KAZN: variants seen among roughly 807,000 people sequenced by gnomAD.
KAZN encodes kazrin, periplakin interacting protein.
KAZN carries 40 observed loss-of-function variants against 87.4 expected under a neutral mutation model. The observed-to-expected ratio is 0.46, with a 90% CI of 0.36 to 0.60. The LOEUF (loss-of-function observed/expected upper bound fraction) is 0.60. Among genes scored for constraint, KAZN ranks in the 20% least tolerant of loss-of-function variants. The pLI, the probability that KAZN is intolerant of heterozygous loss-of-function variation, is 0.00. For missense variants in KAZN, 898 were observed against 1,073.9 expected (o/e 0.84, Z 2.29); for synonymous variants, 466 against 458.3 (o/e 1.02, Z -0.22).
chr1:14,421,129 A>G (rs1665398940), intron 2 of KAZN, among the ~76,000 whole-genome samples: 1 of 152,254 alleles, frequency 6.6e-6, no homozygotes, highest in African/African-American at 2.4e-5. Context: ...AGCTAGAGCT[A>G]CTACTACATC....
chr1:14,912,144 CAAAAAAAAAAAAAAAAAAAAA>C (rs34227761), intron 1 of KAZN, among the ~76,000 whole-genome samples: 1 of 81,730 alleles, frequency 1.2e-5, no homozygotes, highest in Non-Finnish European at 2.4e-5. Flanking sequence ...GACTCCACCT[CAAAAAAAAAAAAAAAAAAAAA>C]AAGGAAAGGA....
At chr1:14,528,461 C>T (rs930477134) in intron 2 of KAZN, among the ~76,000 whole-genome samples, 1 of 151,838 alleles carries the variant, frequency 6.6e-6, no homozygotes, top group African/African-American at 2.4e-5. Context: ...CTCCTCCTAC[C>T]TATCCACGTG....
At position 14,056,685 on chromosome 1, in the gene KAZN, A is replaced by G. The variant is rs75880513; in HGVS notation, c.92-123750A>G. On this transcript the variant is annotated intron_variant, in intron 1 of 16. Transcript: ENST00000636203. ...AGAGAGGTTCGGAGGTGGTTTGTTC[A>G]TGATCACACAGCAGGTGAGACAGAA... Among the ~76,000 whole-genome samples, 3 of 152,338 alleles carry G rather than the reference A, an allele frequency of 2.0e-5. No homozygotes were observed. In the East Asian group the frequency reaches 5.8e-4, roughly 29 times the overall value.
intron 1 of KAZN, among the ~76,000 whole-genome samples, chr1:14,831,596 T>C (rs1312750163): frequency 6.6e-6 from 1 of 152,212 alleles, no homozygotes; most frequent in Non-Finnish European, 1.5e-5. Flanking sequence ...TTCCATCTAA[T>C]ACACAGCACT....
At chr1:13,926,059 T>C (rs991420349) in intron 1 of KAZN, among the ~76,000 whole-genome samples, 1 of 152,100 alleles carries the variant, frequency 6.6e-6, no homozygotes, top group Non-Finnish European at 1.5e-5. Flanking sequence ...TAATGGTTTC[T>C]CTCTCCCTTT....
intron 1 of KAZN, among the ~76,000 whole-genome samples, chr1:14,084,539 G>A (rs1643792355): frequency 6.6e-6 from 1 of 152,022 alleles, no homozygotes; most frequent in Non-Finnish European, 1.5e-5. Flanking sequence ...TTCCTGCTCT[G>A]TTGCAGCCCA....
At chr1:14,383,244 A>C (rs2101056451) in intron 2 of KAZN, among the ~76,000 whole-genome samples, 1 of 149,420 alleles carries the variant, frequency 6.7e-6, no homozygotes, top group Non-Finnish European at 1.5e-5. Flanking sequence ...GGTTGTGAAA[A>C]TTTTCTCCCA....
intron 2 of KAZN, among the ~76,000 whole-genome samples, chr1:14,556,884 C>A (rs1673915508): frequency 6.6e-6 from 1 of 152,192 alleles, no homozygotes; most frequent in Non-Finnish European, 1.5e-5. Flanking sequence ...AGGACCCTTG[C>A]ATGGCTGATC....
At chr1:14,114,485 G>T (rs1180907637) in intron 1 of KAZN, among the ~76,000 whole-genome samples, 4 of 152,012 alleles carry the variant, frequency 2.6e-5, no homozygotes, top group African/African-American at 9.7e-5. Flanking sequence ...CAGGCATCCA[G>T]ATTGTGTCCT....
chr1:14,047,226 C>G (rs1024360729), intron 1 of KAZN, among the ~76,000 whole-genome samples: 2 of 152,168 alleles, frequency 1.3e-5, no homozygotes, highest in South Asian at 4.1e-4. Flanking sequence ...GTCCACACCC[C>G]CTCTCGGTTC....
chr1:14,411,213 A>C (rs1664279725), intron 2 of KAZN, among the ~76,000 whole-genome samples: 1 of 152,242 alleles, frequency 6.6e-6, no homozygotes, highest in Admixed American at 6.5e-5. Context: ...CCCAGAAGAC[A>C]ATGGATAATA....
At chr1:14,082,723 G>T (rs1643726508) in intron 1 of KAZN, among the ~76,000 whole-genome samples, 1 of 152,040 alleles carries the variant, frequency 6.6e-6, no homozygotes, top group Admixed American at 6.6e-5. Context: ...TCTTTTTCTT[G>T]TGCTTTCCTA....
chr1:15,072,962 AAG>A (rs1639579147), intron 8 of KAZN, among the ~76,000 whole-genome samples: 1 of 152,122 alleles, frequency 6.6e-6, no homozygotes, highest in Admixed American at 6.5e-5. Context: ...CCAGAAGAGG[AAG>A]AGACCGGCAA....
intron 1 of KAZN, among the ~76,000 whole-genome samples, chr1:14,006,504 C>A (rs994991291): frequency 2.6e-5 from 4 of 152,160 alleles, no homozygotes; most frequent in African/African-American, 9.7e-5. Flanking sequence ...GTCTTGAATT[C>A]ATTTTTAGCA....
intron 1 of KAZN, among the ~76,000 whole-genome samples, chr1:14,714,230 C>T (rs547420441): frequency 3.9e-5 from 6 of 152,278 alleles, no homozygotes; most frequent in African/African-American, 1.4e-4. Context: ...CTGACACTCC[C>T]CTCTGCCTGG....
chr1:14,098,043 T>TA (rs1429000316), intron 1 of KAZN, among the ~76,000 whole-genome samples: 3 of 152,056 alleles, frequency 2.0e-5, no homozygotes, highest in Non-Finnish European at 1.5e-5. Flanking sequence ...TTTTTTTTTT[T>TA]ATTATCTCCA....
chr1:13,981,989 G>A (rs762175621), intron 1 of KAZN, among the ~76,000 whole-genome samples: 1 of 152,210 alleles, frequency 6.6e-6, no homozygotes, highest in Non-Finnish European at 1.5e-5. Flanking sequence ...ACAGAGATGG[G>A]GGGCTGTCCT....
intron 2 of KAZN, among the ~76,000 whole-genome samples, chr1:14,472,908 C>T (rs1040895223): frequency 2.6e-5 from 4 of 152,140 alleles, no homozygotes; most frequent in African/African-American, 9.7e-5. Context: ...TTAAGGGAGG[C>T]ACATGGCCTC....
rs539049159 is a variant in KAZN, at chr1:14,328,702, C to CA, written c.249+148119dup. Among the ~76,000 whole-genome samples, 630 of 100,018 alleles carry CA rather than the reference C, an allele frequency of 6.3e-3. 6 individuals carry two copies. The highest frequency in any genetic ancestry group is 0.03 in the South Asian group (83 of 2,726). 65.6% of individuals were successfully genotyped at this position (100,018 alleles called of 152,430 possible). On this transcript the variant is annotated intron_variant, in intron 2 of 16. Transcript: ENST00000636203. ...TGGGCAACAGAGCAAGACTCTGTCT[C>CA]AAAAAAAAAGAAACTCTAAGAATAC... is the stretch of plus-strand genomic sequence containing the variant.
Sources: gnomAD v4.1 joint callset for allele counts (sites outside exome capture counted in the v4.1 genomes callset) on GRCh38, gnomAD v4.1.1 for gene constraint, MANE v1.5 for transcripts, NCBI Gene and HGNC (gene_info 2026-07-23, HGNC 2026-07-21) for gene names.